CD82: variants seen among roughly 807,000 people sequenced by gnomAD.
The protein encoded by CD82 is CD82 molecule.
In CD82, 36 loss-of-function variants were observed where a neutral mutation model predicts 37.4. The ratio of observed to expected loss-of-function variants is 0.96; its 90% CI spans 0.74 to 1.27. The LOEUF (loss-of-function observed/expected upper bound fraction) is 1.27, where lower values mean the gene tolerates loss of function less well. Ranked by LOEUF, CD82 falls within the 50% of genes most tolerant of loss-of-function variation. The probability of loss-of-function intolerance (pLI) is 0.00; values close to 1 mark genes in which losing one functional copy is unlikely to be tolerated. For missense variants in CD82, 340 were observed against 347.0 expected (o/e 0.98, Z 0.16); for synonymous variants, 158 against 137.4 (o/e 1.15, Z -1.05).
At position 44,619,495 on chromosome 11, in the gene CD82, G is replaced by A. The variant is rs1381988104; in HGVS notation, c.*369G>A. 1.1e-5 allele frequency: 2 copies of A among 181,810 alleles called. No homozygotes were observed. Among genetic ancestry groups the A allele is most frequent in the Non-Finnish European group, 1.2e-5 (1 of 85,606 alleles). The allele number at this position is 181,810 out of a possible 1,614,324, so 11.3% of individuals were successfully genotyped here. ...GGGGAGGAGGGGGCCGGGCGCGGTG[G>A]CTCACGCCTGTAATCCCAGCACTTT... On this transcript the variant is annotated 3_prime_UTR_variant, in exon 10 of 10. Coordinates refer to ENST00000227155, the MANE Select transcript of CD82 (RefSeq NM_002231.4).
In CD82 at chr11:44,615,226, C is replaced by T. The variant is rs373595434; in HGVS notation, c.337-46C>T. 8.1e-5 allele frequency: 106 copies of T among 1,315,968 alleles called. No homozygotes were observed. The Middle Eastern group carries it at 2.5e-3, about 32-fold the overall frequency. The allele number at this position is 1,315,968 out of a possible 1,614,324, so 81.5% of individuals were successfully genotyped here. A position where few individuals can be genotyped will look rare whatever the true frequency, so the allele number is the denominator to read the frequency against. ...AAGTAGGGGTGACCACAGGTGGGCA[C>T]GGGTTTCAGGAAATCTGACCCTGAC... is the stretch of plus-strand genomic sequence containing the variant. On this transcript the variant is annotated intron_variant, in intron 6 of 9. Transcript: ENST00000227155.
intron 1 of CD82, among the ~76,000 whole-genome samples, chr11:44,566,808 G>A (rs1435321145): frequency 2.6e-5 from 4 of 151,156 alleles, no homozygotes; most frequent in African/African-American, 9.7e-5. Context: ...TTTTTTTCTT[G>A]GAGAGATGGG....
rs1157428885 is a variant in CD82 at position 44,618,714 on chromosome 11, C to T, written c.717C>T (p.Ala239=). Residue 239 remains alanine (A), a synonymous_variant, in exon 9 of 10, where the codon GCC becomes GCT. Transcript: ENST00000227155. The stretch of plus-strand genomic sequence containing the variant: ...TCCTCGGCGTGGGCGTGGGTGTGGC[C>T]ATCATCGAGGTCTGAGCCCCCTCCC... ...GIILGVGVGV[A]IIELLGMVLS... 2 of 1,613,308 alleles carry T rather than the reference C, an allele frequency of 1.2e-6. No individual in the cohort carries two copies. Among genetic ancestry groups the T allele is most frequent in the Non-Finnish European group, 8.5e-7 (1 of 1,179,602 alleles).
rs922341664 is a variant in CD82, at chr11:44,594,557, A to G, written c.-20-86A>G. 2.1e-5 allele frequency: 17 copies of G among 816,382 alleles called. No homozygotes were observed. In the Middle Eastern group the frequency reaches 1.1e-3, roughly 53 times the overall value. 50.6% of individuals were successfully genotyped at this position (816,382 alleles called of 1,614,324 possible). On this transcript the variant is annotated intron_variant, in intron 2 of 9. Transcript: ENST00000227155. Reference sequence around the variant, plus strand: ...GGCCTCTGCATCCTCTAAGGCAGGGACAGGGTTAGTACCCACCTCCTGGGG... The same window carrying G: ...GGCCTCTGCATCCTCTAAGGCAGGGGCAGGGTTAGTACCCACCTCCTGGGG...
intron 1 of CD82, among the ~76,000 whole-genome samples, chr11:44,572,616 G>A (rs1382600582): frequency 1.5e-5 from 2 of 136,426 alleles, no homozygotes; most frequent in Non-Finnish European, 3.2e-5. Context: ...CCCAGGCTGG[G>A]AGACAAGAGT....
intron 6 of CD82, among the ~76,000 whole-genome samples, chr11:44,608,804 A>AG (rs1375033105): frequency 6.6e-6 from 1 of 152,156 alleles, no homozygotes; most frequent in African/African-American, 2.4e-5. Context: ...AGCCCCCACT[A>AG]GTGGGTGTGA....
rs547161316 is a variant in CD82 at position 44,619,191 on chromosome 11, C to T, written c.*65C>T. 6 of 1,273,734 alleles carry T rather than the reference C, an allele frequency of 4.7e-6. No homozygotes were observed. The highest frequency in any genetic ancestry group is 2.4e-5 in the South Asian group (2 of 84,324). 78.9% of individuals were successfully genotyped at this position (1,273,734 alleles called of 1,614,324 possible). On this transcript the variant is annotated 3_prime_UTR_variant, in exon 10 of 10. Coordinates refer to ENST00000227155, the MANE Select transcript of CD82 (RefSeq NM_002231.4). Reference sequence around the variant, plus strand: ...TCAGGGCTCCCAGGGGTCTCCCTGGCTCCCTCCTCCAGGCCTGCCTCCCAC... The same window carrying T: ...TCAGGGCTCCCAGGGGTCTCCCTGGTTCCCTCCTCCAGGCCTGCCTCCCAC...
intron 1 of CD82, among the ~76,000 whole-genome samples, chr11:44,574,885 A>G (rs935551924): frequency 6.6e-6 from 1 of 152,184 alleles, no homozygotes; most frequent in Non-Finnish European, 1.5e-5. Flanking sequence ...CTGGTTAAGC[A>G]TTCCCCAGCC....
Position 44,596,261 on chromosome 11 carries a change from A to G in CD82, c.63+1536A>G, listed in dbSNP as rs1030984982. Among the ~76,000 whole-genome samples, 6 of 152,382 alleles carry G rather than the reference A, an allele frequency of 3.9e-5. No homozygotes were observed. The East Asian group carries it at 5.8e-4, about 15-fold the overall frequency. On this transcript the variant is annotated intron_variant, in intron 3 of 9. Transcript: ENST00000227155. ...GCAGCTGCCTGTGCAGGCAAAGCCA[A>G]GCTTTTCCTGGCAAGCACTTGGTGT...
chr11:44,618,577 G>A, intron 8 of CD82, 63 bp from the exon 9 acceptor site: 1 of 1,418,304 alleles, frequency 7.1e-7, no homozygotes. Flanking sequence ...GCTCTCGGTG[G>A]TTCTGCATGG....
intron 1 of CD82, among the ~76,000 whole-genome samples, chr11:44,575,142 T>A (rs943680806): frequency 6.6e-6 from 1 of 152,202 alleles, no homozygotes; most frequent in Non-Finnish European, 1.5e-5. Context: ...CTGGTGCTAG[T>A]TGGCCTACCC....
intron 1 of CD82, among the ~76,000 whole-genome samples, chr11:44,587,063 C>T (rs1321336008): frequency 6.6e-6 from 1 of 152,194 alleles, no homozygotes; most frequent in Non-Finnish European, 1.5e-5. Flanking sequence ...CCCTAGAGAT[C>T]CTGATGACTT....
intron 1 of CD82, among the ~76,000 whole-genome samples, chr11:44,580,729 A>G (rs1457306853): frequency 1.3e-5 from 2 of 152,070 alleles, no homozygotes; most frequent in Non-Finnish European, 2.9e-5. Context: ...AAGAAAAGAA[A>G]CAGTAAACAG....
chr11:44,594,622 T>G, intron 2 of CD82, 21 bp from the exon 3 acceptor site: 1 of 1,530,732 alleles, frequency 6.5e-7, no homozygotes, highest in Non-Finnish European at 9.1e-7. Flanking sequence ...CTCACTGGCC[T>G]GCCTGCCTTC....
intron 3 of CD82, among the ~76,000 whole-genome samples, chr11:44,595,908 C>CAAAAAAAAAAAAA (rs71449886): frequency 1.4e-5 from 1 of 69,666 alleles, no homozygotes; most frequent in African/African-American, 6.1e-5. Context: ...TGTTTCTCTA[C>CAAAAAAAAAAAAA]AAAAAAAAAA....
intron 2 of CD82, among the ~76,000 whole-genome samples, chr11:44,588,653 A>G (rs1343235464): frequency 6.6e-6 from 1 of 152,198 alleles, no homozygotes; most frequent in Admixed American, 6.5e-5. Flanking sequence ...GCCTGATGCC[A>G]GAGCCTGTTC....
intron 2 of CD82, among the ~76,000 whole-genome samples, chr11:44,590,610 CAAAAAAA>C (rs56665683): frequency 1.5e-4 from 5 of 33,450 alleles, no homozygotes; most frequent in South Asian, 2.4e-3. Context: ...GATTCTGTCT[CAAAAAAA>C]AAAAAAAAAA....
chr11:44,603,653 G>A lies in CD82; in HGVS notation c.137-1405G>A, dbSNP rs542657763. 5.3e-5 allele frequency among the ~76,000 whole-genome samples: 8 copies of A among 152,286 alleles called. No homozygotes were observed. The East Asian group carries it at 7.7e-4, about 15-fold the overall frequency. On this transcript the variant is annotated intron_variant, in intron 4 of 9. Coordinates refer to ENST00000227155, the MANE Select transcript of CD82 (RefSeq NM_002231.4). The stretch of plus-strand genomic sequence containing the variant: ...GCCAGCACCCTCGCCCTCCAGGTGC[G>A]TCCCATGCCCTGGGGGTACAGTGTA...
chr11:44,569,103 G>A (rs1852778934), intron 1 of CD82, among the ~76,000 whole-genome samples: 1 of 152,374 alleles, frequency 6.6e-6, no homozygotes, highest in South Asian at 2.1e-4. Context: ...TGTGGGACAG[G>A]ACCCGTTTAA....
Sources: allele counts gnomAD v4.1 joint callset (sites outside exome capture counted in the v4.1 genomes callset), GRCh38; gene constraint gnomAD v4.1.1; transcripts MANE v1.5; gene names NCBI Gene and HGNC (gene_info 2026-07-23, HGNC 2026-07-21).